The following PTPRD variants were observed in gnomAD, a reference collection of about 807,000 sequenced individuals.
PTPRD encodes the protein protein tyrosine phosphatase receptor type D.
Under a neutral mutation model 214.5 loss-of-function variants are expected in PTPRD, and 34 were observed. That is an observed-to-expected ratio of 0.16 (90% CI 0.12 to 0.21). The LOEUF is 0.21. Ranked by LOEUF, PTPRD falls within the 10% of genes least tolerant of loss-of-function variation. The probability of loss-of-function intolerance (pLI) is 1.00; values close to 1 mark genes in which losing one functional copy is unlikely to be tolerated. For missense variants in PTPRD, 2,545 were observed against 2,398.7 expected, an observed-to-expected ratio of 1.06 and a Z score of -1.27; for synonymous variants, 1,128 against 845.7, an observed-to-expected ratio of 1.33 and a Z score of -5.79.
At chr9:9,869,145 CT>C (rs1256298275) in intron 5 of PTPRD, among the ~76,000 whole-genome samples, 8 of 152,046 alleles carry the variant, frequency 5.3e-5, no homozygotes, top group African/African-American at 1.7e-4. Flanking sequence ...CAGATACTTA[CT>C]TTTTTATAAA....
intron 10 of PTPRD, among the ~76,000 whole-genome samples, chr9:9,134,916 T>A (rs28498199): frequency 6.6e-6 from 1 of 152,108 alleles, no homozygotes; most frequent in Non-Finnish European, 1.5e-5. Flanking sequence ...TCAGTAGTTA[T>A]GTCACAGGAT....
chr9:10,146,348 G>A (rs762786629), intron 3 of PTPRD, among the ~76,000 whole-genome samples: 2 of 151,898 alleles, frequency 1.3e-5, no homozygotes, highest in South Asian at 4.2e-4. Flanking sequence ...AGGATACATG[G>A]TTAATAAGAC....
At chr9:9,717,309 A>C (rs1331244121) in intron 7 of PTPRD, among the ~76,000 whole-genome samples, 2 of 151,932 alleles carry the variant, frequency 1.3e-5, no homozygotes, top group Non-Finnish European at 2.9e-5. Context: ...TGTTCTTTTC[A>C]CTTAGGATTG....
intron 10 of PTPRD, among the ~76,000 whole-genome samples, chr9:9,133,522 C>A (rs992845253): frequency 3.3e-5 from 5 of 152,068 alleles, no homozygotes; most frequent in African/African-American, 1.2e-4. Context: ...AGAAATATTT[C>A]ATAAACAAAG....
rs553938657 is a variant in PTPRD, at chr9:10,121,847, G to T, written c.-544-88057C>A. The stretch of plus-strand genomic sequence containing the variant: ...TCCAACCATGAGGATTGAGGGTGAA[G>T]TGTGACATTCTCTACTGTTACCTCC... On this transcript the variant is annotated intron_variant, in intron 3 of 45. Transcript: ENST00000381196. Among the ~76,000 whole-genome samples the T allele has an allele frequency of 3.3e-5, 5 of 152,236 alleles. No individual in the cohort carries two copies. In the South Asian group the frequency reaches 1.0e-3, roughly 32 times the overall value.
chr9:10,156,999 C>G (rs553347430), intron 3 of PTPRD, among the ~76,000 whole-genome samples: 1 of 152,038 alleles, frequency 6.6e-6, no homozygotes, highest in Non-Finnish European at 1.5e-5. Flanking sequence ...TTTCTCTATC[C>G]TTTTATTTTG....
chr9:9,592,103 T>C (rs2092792020), intron 7 of PTPRD, among the ~76,000 whole-genome samples: 1 of 152,084 alleles, frequency 6.6e-6, no homozygotes, highest in Non-Finnish European at 1.5e-5. Context: ...CTTAAAAATA[T>C]TTGTTCTCAA....
At chr9:9,001,467 T>C (rs2099418041) in intron 11 of PTPRD, among the ~76,000 whole-genome samples, 1 of 152,058 alleles carries the variant, frequency 6.6e-6, no homozygotes, top group African/African-American at 2.4e-5. Context: ...ATCAGGAAGC[T>C]TGCTTCAGGT....
At chr9:8,336,414 C>T (rs2132020316) in intron 43 of PTPRD, among the ~76,000 whole-genome samples, 1 of 147,490 alleles carries the variant, frequency 6.8e-6, no homozygotes, top group East Asian at 2.0e-4. Flanking sequence ...AAAACTGAGA[C>T]TGGATCCCTT....
At chr9:8,346,605 G>A (rs1231265273) in intron 39 of PTPRD, among the ~76,000 whole-genome samples, 2 of 152,120 alleles carry the variant, frequency 1.3e-5, no homozygotes, top group African/African-American at 4.8e-5. Context: ...CAGGCTGCCT[G>A]CCTGTTAGTC....
chr9:10,510,492 A>G (rs957825862), intron 2 of PTPRD, among the ~76,000 whole-genome samples: 2 of 152,306 alleles, frequency 1.3e-5, no homozygotes, highest in Admixed American at 6.5e-5. Flanking sequence ...TAAAAGCATC[A>G]TATAAATAGG....
At chr9:9,409,417 C>G (rs1193049676) in intron 8 of PTPRD, among the ~76,000 whole-genome samples, 1 of 151,814 alleles carries the variant, frequency 6.6e-6, no homozygotes, top group African/African-American at 2.4e-5. Flanking sequence ...GTAACATGGT[C>G]CAGTAACCTG....
chr9:9,852,931 C>G (rs146407945), intron 5 of PTPRD, among the ~76,000 whole-genome samples: 1,655 of 152,226 alleles, frequency 0.011, 28 homozygotes, highest in African/African-American at 0.037. Flanking sequence ...AGTGAATCAG[C>G]TGGATATCTA....
intron 11 of PTPRD, among the ~76,000 whole-genome samples, chr9:8,833,928 G>A (rs78770691): frequency 0.1 from 15,746 of 151,706 alleles, 867 homozygotes; most frequent in African/African-American, 0.13. Flanking sequence ...TAAAAACACC[G>A]GGCATTTTAA....
At chr9:9,431,361 C>A (rs1051644826) in intron 8 of PTPRD, among the ~76,000 whole-genome samples, 1 of 152,168 alleles carries the variant, frequency 6.6e-6, no homozygotes, top group Non-Finnish European at 1.5e-5. Context: ...GAGATACCAT[C>A]TCACACCAGT....
At chr9:10,413,414 A>G (rs1169169602) in intron 2 of PTPRD, among the ~76,000 whole-genome samples, 1 of 151,922 alleles carries the variant, frequency 6.6e-6, no homozygotes, top group African/African-American at 2.4e-5. Flanking sequence ...GATGTAAAAG[A>G]TCTCTATGAT....
chr9:8,558,907 T>C (rs10977203), intron 14 of PTPRD, among the ~76,000 whole-genome samples: 22,160 of 152,098 alleles, frequency 0.15, 4,891 homozygotes, highest in African/African-American at 0.48. Flanking sequence ...CCTTTAGAGG[T>C]AATATATATT....
At chr9:9,293,987 G>T (rs1228757405) in intron 9 of PTPRD, among the ~76,000 whole-genome samples, 2 of 151,304 alleles carry the variant, frequency 1.3e-5, no homozygotes, top group African/African-American at 2.4e-5. Flanking sequence ...TGCACTTTGG[G>T]GTCATTATTA....
At chr9:8,556,862 G>A (rs952729557) in intron 14 of PTPRD, among the ~76,000 whole-genome samples, 13 of 152,096 alleles carry the variant, frequency 8.5e-5, no homozygotes, top group African/African-American at 3.1e-4. Flanking sequence ...TTTCATTGAT[G>A]GTACAAGGTG....
Sources: gnomAD v4.1 joint callset for allele counts (sites outside exome capture counted in the v4.1 genomes callset) on GRCh38, gnomAD v4.1.1 for gene constraint, MANE v1.5 for transcripts, NCBI Gene and HGNC (gene_info 2026-07-23, HGNC 2026-07-21) for gene names.